FRMD4A: variants seen among roughly 807,000 people sequenced by gnomAD.
FRMD4A encodes FERM domain containing 4A.
A neutral mutation model predicts 129.1 loss-of-function variants in FRMD4A; 29 were observed. That is an observed-to-expected ratio of 0.22 (90% CI 0.17 to 0.31). FRMD4A has a LOEUF of 0.31. FRMD4A is among the 10% of genes least tolerant of loss of function. The pLI is 1.00. For synonymous variants in FRMD4A, 634 were observed against 571.6 expected (o/e 1.11, Z -1.56); for missense variants, 1,272 against 1,375.8 (o/e 0.92, Z 1.19).
At chr10:14,088,482 A>C (rs1384579225) in intron 2 of FRMD4A, among the ~76,000 whole-genome samples, 1 of 151,280 alleles carries the variant, frequency 6.6e-6, no homozygotes, top group Non-Finnish European at 1.5e-5. Flanking sequence ...GAATCAGGCC[A>C]GGCACAGTGG....
chr10:13,867,281 CAG>C, intron 2 of FRMD4A, among the ~76,000 whole-genome samples: 1 of 151,954 alleles, frequency 6.6e-6, no homozygotes, highest in African/African-American at 2.4e-5. Context: ...GTTTTTGAAA[CAG>C]GGTCTCACTC....
chr10:13,863,327 A>G (rs2094319282), intron 2 of FRMD4A, among the ~76,000 whole-genome samples: 1 of 152,102 alleles, frequency 6.6e-6, no homozygotes, highest in Admixed American at 6.5e-5. Context: ...CACGCCTGTA[A>G]TCCTAGCCCT....
At chr10:13,702,778 GCGGGGGT>G (rs1038468085) in intron 13 of FRMD4A, among the ~76,000 whole-genome samples, 2 of 152,002 alleles carry the variant, frequency 1.3e-5, no homozygotes, top group African/African-American at 4.8e-5. Flanking sequence ...CTTACTTTGG[GCGGGGGT>G]CGGGGGTGCT....
intron 2 of FRMD4A, among the ~76,000 whole-genome samples, chr10:14,315,450 C>T (rs1265982836): frequency 6.6e-6 from 1 of 152,194 alleles, no homozygotes; most frequent in Non-Finnish European, 1.5e-5. Context: ...CCCTCTGCCT[C>T]ATGTATGCGA....
At chr10:14,249,976 T>C (rs1286123607) in intron 2 of FRMD4A, among the ~76,000 whole-genome samples, 1 of 152,214 alleles carries the variant, frequency 6.6e-6, no homozygotes, top group Non-Finnish European at 1.5e-5. Flanking sequence ...TATTTATTTA[T>C]TTATTTATTT....
At chr10:13,829,569 C>A (rs1024342938) in intron 3 of FRMD4A, among the ~76,000 whole-genome samples, 1 of 152,208 alleles carries the variant, frequency 6.6e-6, no homozygotes, top group African/African-American at 2.4e-5. Context: ...TTCACAGGAG[C>A]CTTCAGTGAC....
chr10:13,665,223 A>G (rs1273287412), intron 18 of FRMD4A, among the ~76,000 whole-genome samples: 1 of 151,942 alleles, frequency 6.6e-6, no homozygotes, highest in Admixed American at 6.6e-5. Flanking sequence ...GCACATTCCC[A>G]TTGTTGCGTA....
chr10:13,972,325 C>A (rs967423582), intron 2 of FRMD4A: 1 of 986,032 alleles, frequency 1.0e-6, no homozygotes, highest in African/African-American at 1.7e-5. Context: ...TGAGTTTCCA[C>A]AAGGTCAAGC....
At chr10:14,165,108 G>A (rs546417596) in intron 2 of FRMD4A, among the ~76,000 whole-genome samples, 59 of 152,202 alleles carry the variant, frequency 3.9e-4, no homozygotes, top group Admixed American at 9.2e-4. Flanking sequence ...TGCAAACTAT[G>A]CATCTGAAAA....
At chr10:14,259,716 A>G (rs897386022) in intron 2 of FRMD4A, among the ~76,000 whole-genome samples, 2 of 152,210 alleles carry the variant, frequency 1.3e-5, no homozygotes, top group African/African-American at 4.8e-5. Context: ...TTACATGCAC[A>G]AAGAGTTGGT....
chr10:13,936,970 A>G (rs569828504), intron 2 of FRMD4A, among the ~76,000 whole-genome samples: 1 of 152,324 alleles, frequency 6.6e-6, no homozygotes, highest in Admixed American at 6.5e-5. Flanking sequence ...CACTTACTAG[A>G]AGCTGCTGCG....
intron 12 of FRMD4A, among the ~76,000 whole-genome samples, chr10:13,711,591 G>A (rs747738912): frequency 6.6e-6 from 1 of 152,186 alleles, no homozygotes; most frequent in Non-Finnish European, 1.5e-5. Flanking sequence ...TAACGCCTAT[G>A]GCCAATTATA....
At chr10:13,767,789 C>T (rs1018638617) in intron 6 of FRMD4A, among the ~76,000 whole-genome samples, 2 of 152,110 alleles carry the variant, frequency 1.3e-5, no homozygotes, top group African/African-American at 4.8e-5. Flanking sequence ...CACAGCTCTG[C>T]GGTGAAGCCC....
At chr10:13,782,731 C>A (rs955286062) in intron 6 of FRMD4A, among the ~76,000 whole-genome samples, 191 bp downstream of exon 6, 2 of 152,200 alleles carry the variant, frequency 1.3e-5, no homozygotes, top group South Asian at 2.1e-4. Flanking sequence ...CGTGAGCCAG[C>A]GCGCCGGGTC....
intron 2 of FRMD4A, among the ~76,000 whole-genome samples, chr10:14,216,461 A>C (rs998658283): frequency 3.3e-5 from 5 of 152,204 alleles, no homozygotes; most frequent in African/African-American, 1.2e-4. Context: ...ACTTGAGCTC[A>C]GGAGTTCAAG....
chr10:13,820,922 A>G (rs527763764), intron 3 of FRMD4A, among the ~76,000 whole-genome samples: 7 of 152,262 alleles, frequency 4.6e-5, no homozygotes, highest in Non-Finnish European at 8.8e-5. Flanking sequence ...GTCTGCCCCC[A>G]TCTCTCTGGA....
chr10:14,120,758 C>T (rs1013524453), intron 2 of FRMD4A, among the ~76,000 whole-genome samples: 3 of 152,156 alleles, frequency 2.0e-5, no homozygotes, highest in African/African-American at 7.2e-5. Context: ...GAGAAATAAA[C>T]ATCTATGACA....
At chr10:14,297,710 G>A (rs949811334) in intron 2 of FRMD4A, among the ~76,000 whole-genome samples, 2 of 152,130 alleles carry the variant, frequency 1.3e-5, no homozygotes, top group African/African-American at 2.4e-5. Flanking sequence ...ATATGAGGCA[G>A]AGGACCTGTA....
At chr10:13,840,043 GC>G (rs2093938337) in intron 3 of FRMD4A, among the ~76,000 whole-genome samples, 1 of 152,206 alleles carries the variant, frequency 6.6e-6, no homozygotes, top group South Asian at 2.1e-4. Flanking sequence ...ACACATTGCT[GC>G]CTTAATACCT....
Sources: gnomAD v4.1 joint callset for allele counts (sites outside exome capture counted in the v4.1 genomes callset) on GRCh38, gnomAD v4.1.1 for gene constraint, MANE v1.5 for transcripts, NCBI Gene and HGNC (gene_info 2026-07-23, HGNC 2026-07-21) for gene names.